BPIFA2: variants seen among roughly 807,000 people sequenced by gnomAD.
The protein encoded by BPIFA2 is BPI fold containing family A member 2.
A neutral mutation model predicts 25.7 loss-of-function variants in BPIFA2; 20 were observed. The ratio of observed to expected loss-of-function variants is 0.78; its 90% confidence interval spans 0.55 to 1.13. The LOEUF (loss-of-function observed/expected upper bound fraction) is 1.13. BPIFA2 is among the 50% of genes most tolerant of loss of function. BPIFA2 has a pLI of 0.00. For missense variants in BPIFA2, 300 were observed against 298.1 expected (o/e 1.01, Z -0.05); for synonymous variants, 126 against 124.3 (o/e 1.01, Z -0.09).
chr20:33,165,806 G>A (rs1328120535), upstream of BPIFA2, among the ~76,000 whole-genome samples: 1 of 152,128 alleles, frequency 6.6e-6, no homozygotes. Context: ...TCTTCTATGT[G>A]AGAAGACTTT....
chr20:33,169,238 T>C lies in BPIFA2; in HGVS notation c.93T>C (p.Asn31=), dbSNP rs1983820069. Residue 31 remains asparagine (N), a synonymous_variant, in exon 2 of 9, where the codon AAT becomes AAC. Transcript: ENST00000354932. ...ACAATCTTGGCAATGACCTAAGCAA[T>C]GTCGTGGATAAGCTGGAACCTGTTC... The part of the protein sequence containing the change: ...LLDNLGNDLS[N]VVDKLEPVLH... 3.1e-6 allele frequency: 5 copies of C among 1,614,064 alleles called. No homozygotes were observed. The highest frequency in any genetic ancestry group is 1.6e-4 in the Middle Eastern group (1 of 6,062).
chr20:33,177,078 G>C (rs1348169940), intron 5 of BPIFA2, among the ~76,000 whole-genome samples: 4 of 152,162 alleles, frequency 2.6e-5, no homozygotes, highest in Non-Finnish European at 5.9e-5. Flanking sequence ...TTGAGGCTGG[G>C]CACGATGGCT....
intron 4 of BPIFA2, 134 bp from the exon 5 acceptor site, chr20:33,175,273 A>T: frequency 1.2e-6 from 1 of 862,830 alleles, no homozygotes; most frequent in Middle Eastern, 3.6e-4. Context: ...GATATGGACC[A>T]TGTTGATATT....
chr20:33,173,197 G>T, intron 3 of BPIFA2, 121 bp downstream of exon 3: 1 of 1,273,734 alleles, frequency 7.9e-7, no homozygotes. Context: ...ACAGAGCCAA[G>T]GTGGTCTGAG....
intron 3 of BPIFA2, among the ~76,000 whole-genome samples, chr20:33,173,444 G>A (rs937055889): frequency 6.6e-6 from 1 of 152,170 alleles, no homozygotes; most frequent in Non-Finnish European, 1.5e-5. Flanking sequence ...AAGGGAACTG[G>A]AGTCTTCGCC....
intron 6 of BPIFA2, among the ~76,000 whole-genome samples, chr20:33,178,680 C>T (rs1288206473): frequency 6.6e-6 from 1 of 152,142 alleles, no homozygotes; most frequent in African/African-American, 2.4e-5. Flanking sequence ...TGCAGGATTA[C>T]TAGGCCCAAA....
intron 6 of BPIFA2, 41 bp downstream of exon 6, chr20:33,178,269 G>A (rs753666052): frequency 7.0e-7 from 1 of 1,436,792 alleles, no homozygotes; most frequent in Non-Finnish European, 9.7e-7. Context: ...CAGGCCTGGT[G>A]GGGGCAGGTG....
rs113775994 is a variant in BPIFA2 at position 33,180,696 on chromosome 20, C to G, written c.*37+99C>G. Reference sequence around the variant, plus strand: ...TTTTTGTGTTAGAAGACTGTGCCTTCATCTCAGTCATAGATTGAGCCCTGG... The same window carrying G: ...TTTTTGTGTTAGAAGACTGTGCCTTGATCTCAGTCATAGATTGAGCCCTGG... On this transcript the variant is annotated intron_variant, in intron 8 of 8. Coordinates refer to ENST00000354932, the MANE Select transcript of BPIFA2 (RefSeq NM_080574.4). 1.4e-4 allele frequency: 137 copies of G among 947,174 alleles called. No individual in the cohort carries two copies. The African/African-American group carries it at 1.6e-3, about 11-fold the overall frequency. 58.7% of individuals were successfully genotyped at this position (947,174 alleles called of 1,614,324 possible). A position where few individuals can be genotyped will look rare whatever the true frequency, so the allele number is the denominator to read the frequency against.
At chr20:33,179,579 C>T (rs777616688) in intron 6 of BPIFA2, 25 bp from the exon 7 acceptor site, 8 of 1,585,656 alleles carry the variant, frequency 5.0e-6, no homozygotes, top group Non-Finnish European at 6.1e-6. Context: ...CCTGACCCTC[C>T]TCTTCCTCCT....
intron 1 of BPIFA2, among the ~76,000 whole-genome samples, chr20:33,168,718 G>C (rs973160235): frequency 1.4e-4 from 21 of 152,174 alleles, no homozygotes; most frequent in African/African-American, 5.1e-4. Context: ...TGTTATCCAA[G>C]ACCTTGATCA....
intron 2 of BPIFA2, 32 bp downstream of exon 2, chr20:33,169,334 C>A (rs756349835): frequency 6.2e-7 from 1 of 1,604,916 alleles, no homozygotes; most frequent in Non-Finnish European, 8.5e-7. Context: ...ACAGTGTCAC[C>A]TAAATTAGCC....
chr20:33,179,497 G>A, intron 6 of BPIFA2, 107 bp from the exon 7 acceptor site: 1 of 862,862 alleles, frequency 1.2e-6, no homozygotes, highest in South Asian at 1.4e-5. Flanking sequence ...AAGATCCCTA[G>A]AAATGAGCTC....
At chr20:33,162,600 G>A (rs114740066) in intron 1 of BPIFA2, among the ~76,000 whole-genome samples, 3,596 of 152,254 alleles carry the variant, frequency 0.024, 124 homozygotes, top group African/African-American at 0.08. Flanking sequence ...CCAGGCTTAA[G>A]TCCCAGATCA....
At chr20:33,175,301 A>C in intron 4 of BPIFA2, 106 bp from the exon 5 acceptor site, 2 of 1,141,148 alleles carry the variant, frequency 1.8e-6, no homozygotes, top group Non-Finnish European at 2.5e-6. Flanking sequence ...CCATGTTGAC[A>C]TTACACATAG....
chr20:33,177,405 C>T (rs1327447363), intron 5 of BPIFA2, among the ~76,000 whole-genome samples: 1 of 151,928 alleles, frequency 6.6e-6, no homozygotes, highest in African/African-American at 2.4e-5. Flanking sequence ...CAGGCAGGCA[C>T]CATTCTGGGC....
chr20:33,172,917 G>A lies in BPIFA2; in HGVS notation c.158-15G>A, dbSNP rs769184439. 9.9e-6 allele frequency: 16 copies of A among 1,611,340 alleles called. No individual in the cohort carries two copies. Among genetic ancestry groups the A allele is most frequent in the East Asian group, 4.5e-5 (2 of 44,820 alleles). On this transcript the variant is annotated splice_polypyrimidine_tract_variant and intron_variant, in intron 2 of 8. Coordinates refer to ENST00000354932, the MANE Select transcript of BPIFA2 (RefSeq NM_080574.4). ...TAAGTGGTGCGTGACACAAAATGGC[G>A]ATTGTTTTTGGCAGGCATCCTTGAG...
At chr20:33,178,106 G>A in intron 5 of BPIFA2, 41 bp from the exon 6 acceptor site, 1 of 1,496,108 alleles carries the variant, frequency 6.7e-7, no homozygotes, top group South Asian at 1.2e-5. Flanking sequence ...CCCATCTCTT[G>A]CCCACTTGAC....
intron 2 of BPIFA2, among the ~76,000 whole-genome samples, chr20:33,171,838 C>A (rs1280355069): frequency 6.6e-6 from 1 of 152,142 alleles, no homozygotes; most frequent in African/African-American, 2.4e-5. Context: ...GGTGATTCCT[C>A]AAGGATCTAG....
At chr20:33,176,911 C>T (rs73111607) in intron 5 of BPIFA2, among the ~76,000 whole-genome samples, 2,687 of 152,280 alleles carry the variant, frequency 0.018, 40 homozygotes, top group Non-Finnish European at 0.028. Flanking sequence ...CTTCTCACTC[C>T]ACTTTGATGG....
Sources: gnomAD v4.1 joint callset for allele counts (sites outside exome capture counted in the v4.1 genomes callset) on GRCh38, gnomAD v4.1.1 for gene constraint, MANE v1.5 for transcripts, NCBI Gene and HGNC (gene_info 2026-07-23, HGNC 2026-07-21) for gene names.